Variants in PRKN observed in about 807,000 individuals in gnomAD.
PRKN encodes the protein E3 ubiquitin-protein ligase parkin.
Under a neutral mutation model 59.5 loss-of-function variants are expected in PRKN, and 56 were observed. The observed-to-expected ratio is 0.94, with a 90% CI of 0.76 to 1.18. The LOEUF is 1.18. Ranked by LOEUF, PRKN falls within the 50% of genes most tolerant of loss-of-function variation. The pLI is 0.00. For synonymous variants in PRKN, 250 were observed against 222.1 expected (o/e 1.13, Z -1.12); for missense variants, 657 against 596.4 (o/e 1.10, Z -1.06).
At chr6:162,630,429 C>T (rs1353155586) in intron 1 of PRKN, among the ~76,000 whole-genome samples, 1 of 152,134 alleles carries the variant, frequency 6.6e-6, no homozygotes, top group Admixed American at 6.6e-5. Flanking sequence ...TCTGAGCATT[C>T]TGCCTGATTA....
intron 2 of PRKN, among the ~76,000 whole-genome samples, chr6:162,380,487 A>ATATG (rs1562716630): frequency 1.1e-4 from 4 of 37,986 alleles, no homozygotes; most frequent in Admixed American, 2.0e-4. Context: ...ATATATGTAT[A>ATATG]TATACACACA....
chr6:162,050,413 CT>C (rs1169267190), intron 5 of PRKN, among the ~76,000 whole-genome samples: 1 of 151,888 alleles, frequency 6.6e-6, no homozygotes, highest in African/African-American at 2.4e-5. Flanking sequence ...TGAGGTTTTA[CT>C]TGTGCCATTT....
At chr6:162,725,491 G>A (rs1301652974) in intron 1 of PRKN, among the ~76,000 whole-genome samples, 1 of 152,176 alleles carries the variant, frequency 6.6e-6, no homozygotes, top group Non-Finnish European at 1.5e-5. Flanking sequence ...TGGGCGTGGT[G>A]GTTCATGCCT....
chr6:162,488,218 C>A (rs1792646374), intron 1 of PRKN, among the ~76,000 whole-genome samples: 1 of 152,032 alleles, frequency 6.6e-6, no homozygotes, highest in African/African-American at 2.4e-5. Context: ...CCCAATAATT[C>A]TTTGACTTTC....
chr6:161,441,187 G>A (rs1789202345), intron 9 of PRKN, among the ~76,000 whole-genome samples: 1 of 152,214 alleles, frequency 6.6e-6, no homozygotes, highest in South Asian at 2.1e-4. Flanking sequence ...ACCTGGTGAG[G>A]AGCAAGAAAG....
At chr6:162,306,188 A>G (rs114640010) in intron 2 of PRKN, among the ~76,000 whole-genome samples, 6,794 of 152,270 alleles carry the variant, frequency 0.045, 157 homozygotes, top group Non-Finnish European at 0.051. Context: ...GTAACCCTAA[A>G]TGAACCCTAG....
intron 1 of PRKN, among the ~76,000 whole-genome samples, chr6:162,553,197 C>T (rs918914252): frequency 1.3e-5 from 2 of 152,088 alleles, no homozygotes; most frequent in African/African-American, 4.8e-5. Context: ...AAAGGAACAA[C>T]CTCTTTGATG....
intron 6 of PRKN, among the ~76,000 whole-genome samples, chr6:161,928,443 G>A (rs1480935493): frequency 1.3e-5 from 2 of 151,684 alleles, no homozygotes; most frequent in African/African-American, 2.4e-5. Flanking sequence ...AGAAGAGGCA[G>A]GAGATTTAAT....
At chr6:161,987,912 C>T (rs900479987) in intron 5 of PRKN, among the ~76,000 whole-genome samples, 3 of 152,120 alleles carry the variant, frequency 2.0e-5, no homozygotes, top group African/African-American at 4.8e-5. Context: ...CAGCATCATC[C>T]GGTTGCTAAG....
chr6:161,985,690 C>G lies in PRKN; in HGVS notation c.619-12273G>C, dbSNP rs1384986266. ...ACGAGCTATGTAATCATTTCACTGT[C>G]TGGGTTAATTATCTTCCAGGCCAAG... On this transcript the variant is annotated intron_variant, in intron 5 of 11. Coordinates refer to ENST00000366898, the MANE Select transcript of PRKN (RefSeq NM_004562.3). 3.3e-5 allele frequency among the ~76,000 whole-genome samples: 5 copies of G among 152,310 alleles called. No individual in the cohort carries two copies. In the South Asian group the frequency reaches 1.0e-3, roughly 32 times the overall value.
At chr6:161,767,001 A>C (rs1302073931) in intron 7 of PRKN, among the ~76,000 whole-genome samples, 1 of 152,190 alleles carries the variant, frequency 6.6e-6, no homozygotes, top group African/African-American at 2.4e-5. Context: ...TATATATGGT[A>C]ATGTACGCAA....
intron 7 of PRKN, among the ~76,000 whole-genome samples, chr6:161,706,711 C>A (rs1456782872): frequency 6.6e-6 from 1 of 152,146 alleles, no homozygotes; most frequent in African/African-American, 2.4e-5. Context: ...GCGTGTACCA[C>A]CACACACAGC....
intron 4 of PRKN, among the ~76,000 whole-genome samples, chr6:162,199,322 T>C (rs183301969): frequency 4.1e-4 from 63 of 152,292 alleles, no homozygotes; most frequent in Admixed American, 1.2e-3. Context: ...CTTGGGCAAA[T>C]GCCTTAATCT....
At chr6:161,632,101 T>C (rs1783336272) in intron 7 of PRKN, among the ~76,000 whole-genome samples, 1 of 152,210 alleles carries the variant, frequency 6.6e-6, no homozygotes, top group Non-Finnish European at 1.5e-5. Context: ...GCAGCTCCTG[T>C]TTCCAATTAA....
intron 2 of PRKN, among the ~76,000 whole-genome samples, chr6:162,351,912 A>T (rs2128131346): frequency 6.6e-6 from 1 of 152,198 alleles, no homozygotes; most frequent in Admixed American, 6.6e-5. Flanking sequence ...GTGGTATAAA[A>T]ACAAGGTAGT....
chr6:162,236,650 C>T (rs1416007923), intron 3 of PRKN, among the ~76,000 whole-genome samples: 1 of 148,048 alleles, frequency 6.8e-6, no homozygotes, highest in Non-Finnish European at 1.5e-5. Flanking sequence ...AAAAAATTAA[C>T]TGGGCATGAT....
Position 161,551,985 on chromosome 6 carries a change from G to A in PRKN, c.934-2982C>T, listed in dbSNP as rs1302167911. Among the ~76,000 whole-genome samples the A allele has an allele frequency of 3.3e-5, 5 of 152,086 alleles. No individual in the cohort carries two copies. The highest frequency in any genetic ancestry group is 1.2e-4 in the African/African-American group (5 of 41,402). On this transcript the variant is annotated intron_variant, in intron 8 of 11. Coordinates refer to ENST00000366898, the MANE Select transcript of PRKN (RefSeq NM_004562.3). This position sits in a 1 kb window ranked among gnomAD's most constrained non-coding sequence, Gnocchi z 5.2. ...CCCGGCTGAGTGCTTAGGCCCAGGT[G>A]CAGACAGGCAGAGGGGTACTGGGAT...
rs944266524 is a variant in PRKN at position 162,029,324 on chromosome 6, T to C, written c.618+24767A>G. The stretch of plus-strand genomic sequence containing the variant: ...TTGGGTTAAAGTTTGCAGAAATCAA[T>C]TGGGGATACGCAACATCAAATATTT... On this transcript the variant is annotated intron_variant, in intron 5 of 11. Coordinates refer to ENST00000366898, the MANE Select transcript of PRKN (RefSeq NM_004562.3). Among the ~76,000 whole-genome samples, 12 of 152,278 alleles carry C rather than the reference T, an allele frequency of 7.9e-5. No homozygotes were observed. The South Asian group carries it at 1.7e-3, about 21-fold the overall frequency.
At chr6:161,876,424 AC>A (rs1394893163) in intron 6 of PRKN, among the ~76,000 whole-genome samples, 4 of 151,902 alleles carry the variant, frequency 2.6e-5, no homozygotes, top group Admixed American at 2.6e-4. Flanking sequence ...CAATCCCTTC[AC>A]CCCAGCCACC....
Sources: gnomAD v4.1 joint callset for allele counts (sites outside exome capture counted in the v4.1 genomes callset) on GRCh38, gnomAD v4.1.1 for gene constraint, Gnocchi (gnomAD v3.1) non-coding constraint, MANE v1.5 for transcripts, NCBI Gene and HGNC (gene_info 2026-07-23, HGNC 2026-07-21) for gene names.